Variants in PIAS1 observed in about 807,000 individuals in gnomAD.
PIAS1 encodes the protein protein inhibitor of activated STAT 1.
A neutral mutation model predicts 71.3 loss-of-function variants in PIAS1; 6 were observed. The ratio of observed to expected loss-of-function variants is 0.08; its 90% CI spans 0.05 to 0.17. PIAS1 has a LOEUF of 0.17. Among genes scored for constraint, PIAS1 ranks in the 10% least tolerant of loss-of-function variants. The pLI is 1.00. For missense variants in PIAS1, 555 were observed against 793.6 expected (o/e 0.70, Z 3.61); for synonymous variants, 303 against 292.9 (o/e 1.03, Z -0.35).
In PIAS1 at chr15:68,064,936, G is replaced by T. The variant is rs553728663; in HGVS notation, c.24+10586G>T. ...ATTAATTAATTTGTTTTTTGAGATG[G>T]GCTTTGCCATGTCGCCCAGGCTGGT... On this transcript the variant is annotated intron_variant, in intron 1 of 13. Coordinates refer to ENST00000249636, the MANE Select transcript of PIAS1 (RefSeq NM_016166.3). Among the ~76,000 whole-genome samples, 8 of 152,052 alleles carry T rather than the reference G, an allele frequency of 5.3e-5. No individual in the cohort carries two copies. The South Asian group carries it at 1.7e-3, about 32-fold the overall frequency.
intron 2 of PIAS1, among the ~76,000 whole-genome samples, chr15:68,091,547 AAATATTTTT>A (rs2092332697): frequency 6.6e-6 from 1 of 152,164 alleles, no homozygotes; most frequent in Non-Finnish European, 1.5e-5. Flanking sequence ...TAGTGCTTTT[AAATATTTTT>A]AATATTTTTA....
chr15:68,089,156 TC>T (rs2092312459), intron 2 of PIAS1, among the ~76,000 whole-genome samples: 1 of 152,242 alleles, frequency 6.6e-6, no homozygotes, highest in Non-Finnish European at 1.5e-5. Flanking sequence ...GTTTTGTATT[TC>T]TAACTAAAAT....
rs534975818 is a variant in PIAS1, at chr15:68,075,190, A to G, written c.25-11116A>G. On this transcript the variant is annotated intron_variant, in intron 1 of 13. Transcript: ENST00000249636. ...ACCTCCGCCCCCCCAGGTTCAAGCA[A>G]TTCTCCTGCCTCAGCCTCCTGAGTA... is the stretch of plus-strand genomic sequence containing the variant. Among the ~76,000 whole-genome samples, 43 of 146,802 alleles carry G rather than the reference A, an allele frequency of 2.9e-4. 1 individual carries two copies. The South Asian group carries it at 8.4e-3, about 29-fold the overall frequency.
chr15:68,171,477 A>G lies in PIAS1; in HGVS notation c.1009-2255A>G, dbSNP rs1358048997. Among the ~76,000 whole-genome samples the G allele has an allele frequency of 1.3e-5, 2 of 152,220 alleles. No individual in the cohort carries two copies. Among genetic ancestry groups the G allele is most frequent in the Non-Finnish European group, 2.9e-5 (2 of 68,038 alleles). ...GCGGTTCAGTGTTGACCAAAATGTT[A>G]TGTGGTGCTTGATTGTAATCATATG... On this transcript the variant is annotated intron_variant, in intron 8 of 13. Transcript: ENST00000249636. This position sits in a 1 kb window ranked among gnomAD's most constrained non-coding sequence, Gnocchi z 4.4.
At chr15:68,101,960 TC>T (rs1447148795) in intron 2 of PIAS1, among the ~76,000 whole-genome samples, 5 of 152,174 alleles carry the variant, frequency 3.3e-5, no homozygotes, top group Admixed American at 1.3e-4. Context: ...GGTCTCATAC[TC>T]CTGGCCTCAA....
intron 2 of PIAS1, among the ~76,000 whole-genome samples, chr15:68,132,763 A>G (rs946684794): frequency 6.6e-6 from 1 of 152,182 alleles, no homozygotes; most frequent in East Asian, 1.9e-4. Context: ...TGTAATAACC[A>G]CTTTGAATAA....
intron 2 of PIAS1, among the ~76,000 whole-genome samples, chr15:68,127,479 A>G (rs1263172535): frequency 6.6e-6 from 1 of 152,106 alleles, no homozygotes; most frequent in Admixed American, 6.6e-5. Flanking sequence ...CAGTTCTCCT[A>G]TTTCACTCAG....
At chr15:68,080,308 C>A (rs1409932344) in intron 1 of PIAS1, among the ~76,000 whole-genome samples, 1 of 152,140 alleles carries the variant, frequency 6.6e-6, no homozygotes, top group Non-Finnish European at 1.5e-5. Context: ...AGAATGGGAT[C>A]TCTATTTATG....
intron 2 of PIAS1, among the ~76,000 whole-genome samples, chr15:68,099,043 A>G (rs2092401550): frequency 6.6e-6 from 1 of 152,100 alleles, no homozygotes; most frequent in South Asian, 2.1e-4. Flanking sequence ...ATGTGTTATT[A>G]AACTTTTTGA....
intron 2 of PIAS1, among the ~76,000 whole-genome samples, chr15:68,108,657 A>T (rs914613604): frequency 6.6e-6 from 1 of 152,116 alleles, no homozygotes; most frequent in African/African-American, 2.4e-5. Context: ...GTCTAAAACA[A>T]CTTTTTTTCT....
chr15:68,130,134 C>A (rs1260254631), intron 2 of PIAS1, among the ~76,000 whole-genome samples: 1 of 151,548 alleles, frequency 6.6e-6, no homozygotes. Context: ...TTCATATACC[C>A]CATAAATATA....
At chr15:68,099,820 TTAAG>T (rs1053991770) in intron 2 of PIAS1, among the ~76,000 whole-genome samples, 26 of 152,186 alleles carry the variant, frequency 1.7e-4, no homozygotes, top group Non-Finnish European at 3.1e-4. Flanking sequence ...TTTTAGATGT[TTAAG>T]TATGTATGTA....
chr15:68,089,636 C>T (rs1384663883), intron 2 of PIAS1, among the ~76,000 whole-genome samples: 1 of 151,886 alleles, frequency 6.6e-6, no homozygotes, highest in Non-Finnish European at 1.5e-5. Context: ...CTCACTGCAA[C>T]CTCCGCCCCA....
Position 68,176,292 on chromosome 15 carries a change from A to G in PIAS1, c.1301-182A>G, listed in dbSNP as rs530435437. Among the ~76,000 whole-genome samples, 558 of 152,298 alleles carry G rather than the reference A, an allele frequency of 3.7e-3. 4 individuals carry two copies. Among genetic ancestry groups the G allele is most frequent in the African/African-American group, 0.013 (524 of 41,576 alleles). ...ATTCAGTAATTTATTATTTTGAAAA[A>G]TAATTTACTATTATTAAATAATAGT... On this transcript the variant is annotated intron_variant, in intron 10 of 13. Transcript: ENST00000249636.
At position 68,153,585 on chromosome 15, in the gene PIAS1, T is replaced by C. The variant is rs757755567; in HGVS notation, c.829-5T>C. 27 of 1,367,258 alleles carry C rather than the reference T, an allele frequency of 2.0e-5. No individual in the cohort carries two copies. The highest frequency in any genetic ancestry group is 7.3e-5 in the South Asian group (6 of 81,844). 84.7% of individuals were successfully genotyped at this position (1,367,258 alleles called of 1,614,324 possible). Reference sequence around the variant, plus strand: ...TGTTTGTTTTCTACTTCTTTTTTTTTCCAGAACTATTCCATGGCAGTATAT... The same window carrying C: ...TGTTTGTTTTCTACTTCTTTTTTTTCCCAGAACTATTCCATGGCAGTATAT... On this transcript the variant is annotated splice_region_variant and splice_polypyrimidine_tract_variant and intron_variant, in intron 6 of 13. Transcript: ENST00000249636.
rs75175193 is a variant in PIAS1 at position 68,067,589 on chromosome 15, T to C, written c.24+13239T>C. ...CATTGTAAACTTTCTGTGAAGCTTATAATACAAACTATATTAATATATAAT... is the reference window on the plus strand; with the variant it reads ...CATTGTAAACTTTCTGTGAAGCTTACAATACAAACTATATTAATATATAAT... On this transcript the variant is annotated intron_variant, in intron 1 of 13. Coordinates refer to ENST00000249636, the MANE Select transcript of PIAS1 (RefSeq NM_016166.3). Among the ~76,000 whole-genome samples the C allele has an allele frequency of 8.0e-3, 1,223 of 152,256 alleles. 16 individuals are homozygous for C. Among genetic ancestry groups the C allele is most frequent in the African/African-American group, 0.028 (1,172 of 41,566 alleles).
intron 1 of PIAS1, among the ~76,000 whole-genome samples, chr15:68,059,456 A>G (rs1160280979): frequency 6.6e-6 from 1 of 151,980 alleles, no homozygotes; most frequent in African/African-American, 2.4e-5. Flanking sequence ...TCACACCTGT[A>G]ATACCAGCAC....
intron 6 of PIAS1, among the ~76,000 whole-genome samples, chr15:68,150,973 T>A (rs2092839809): frequency 6.6e-6 from 1 of 152,140 alleles, no homozygotes; most frequent in Non-Finnish European, 1.5e-5. Flanking sequence ...GAATAGAGTA[T>A]ATTTCAATTA....
intron 1 of PIAS1, among the ~76,000 whole-genome samples, chr15:68,058,951 G>A (rs1054696960): frequency 4.7e-5 from 7 of 149,226 alleles, no homozygotes; most frequent in African/African-American, 1.7e-4. Context: ...ATGATCATTT[G>A]AAACCTTACA....
Sources: allele counts gnomAD v4.1 joint callset (sites outside exome capture counted in the v4.1 genomes callset), GRCh38; gene constraint gnomAD v4.1.1; non-coding constraint Gnocchi (gnomAD v3.1); transcripts MANE v1.5; gene names NCBI Gene and HGNC (gene_info 2026-07-23, HGNC 2026-07-21).